The following HTR1F variants were observed in gnomAD, a reference collection of about 807,000 sequenced individuals.
HTR1F encodes the protein 5-hydroxytryptamine receptor 1F, also known as 5-hydroxytryptamine (serotonin) receptor 1F, G protein-coupled.
Under a neutral mutation model 24.0 loss-of-function variants are expected in HTR1F, and 17 were observed. That is an observed-to-expected ratio of 0.71 (90% confidence interval 0.48 to 1.06). The LOEUF is 1.06. HTR1F is among the 50% of genes least tolerant of loss of function. The pLI is 0.00. For synonymous variants in HTR1F, 186 were observed against 156.8 expected, an observed-to-expected ratio of 1.19 and a Z score of -1.39; for missense variants, 391 against 427.8, an observed-to-expected ratio of 0.91 and a Z score of 0.76.
chr3:87,892,142 T>C (rs1706099203), intron 2 of HTR1F, among the ~76,000 whole-genome samples: 1 of 152,210 alleles, frequency 6.6e-6, no homozygotes, highest in Non-Finnish European at 1.5e-5. Context: ...GTTCTTATTA[T>C]TGGGGATAAA....
intron 2 of HTR1F, among the ~76,000 whole-genome samples, chr3:87,875,846 C>A (rs1705659489): frequency 6.6e-6 from 1 of 150,806 alleles, no homozygotes; most frequent in Admixed American, 6.6e-5. Flanking sequence ...ATGGCTTGAA[C>A]CCAGGAGGTG....
At chr3:87,829,770 G>A (rs540675688) in intron 2 of HTR1F, among the ~76,000 whole-genome samples, 45 of 152,222 alleles carry the variant, frequency 3.0e-4, no homozygotes, top group African/African-American at 1.0e-3. Flanking sequence ...AAATAATGAT[G>A]TTACTTAATA....
intron 2 of HTR1F, among the ~76,000 whole-genome samples, chr3:87,903,364 G>A (rs541640213): frequency 1.5e-4 from 23 of 151,618 alleles, no homozygotes; most frequent in South Asian, 1.5e-3. Context: ...GAAAATTTTC[G>A]CAACCTACTC....
At chr3:87,812,177 A>G (rs1559591448) in intron 1 of HTR1F, among the ~76,000 whole-genome samples, 1 of 152,138 alleles carries the variant, frequency 6.6e-6, no homozygotes, top group Non-Finnish European at 1.5e-5. Context: ...AAGATACAGA[A>G]AATATGGAAG....
intron 2 of HTR1F, among the ~76,000 whole-genome samples, chr3:87,827,367 T>C (rs898105236): frequency 1.6e-4 from 24 of 152,274 alleles, no homozygotes; most frequent in African/African-American, 5.5e-4. Flanking sequence ...CAACTTAATT[T>C]TTTTTCCTTT....
At chr3:87,929,052 A>T (rs1160892422) in intron 2 of HTR1F, among the ~76,000 whole-genome samples, 3 of 152,214 alleles carry the variant, frequency 2.0e-5, no homozygotes, top group African/African-American at 7.2e-5. Context: ...CTGGAGGTAA[A>T]AAAGGATATA....
At chr3:87,921,058 G>A (rs1189677459) in intron 2 of HTR1F, among the ~76,000 whole-genome samples, 1 of 151,810 alleles carries the variant, frequency 6.6e-6, no homozygotes, top group East Asian at 1.9e-4. Context: ...ACATGAGTCA[G>A]TGTTTCATTA....
intron 2 of HTR1F, among the ~76,000 whole-genome samples, chr3:87,902,338 G>A (rs1029892763): frequency 2.8e-4 from 43 of 152,022 alleles, no homozygotes; most frequent in African/African-American, 8.2e-4. Flanking sequence ...TTCATGAATT[G>A]CTCCAGAAAA....
chr3:87,916,773 T>G (rs1182979569), intron 2 of HTR1F, among the ~76,000 whole-genome samples: 1 of 151,778 alleles, frequency 6.6e-6, no homozygotes, highest in Non-Finnish European at 1.5e-5. Flanking sequence ...CAATAATACT[T>G]CAATACTCCA....
At chr3:87,944,314 C>T (rs1223691962) in intron 2 of HTR1F, among the ~76,000 whole-genome samples, 2 of 152,124 alleles carry the variant, frequency 1.3e-5, no homozygotes, top group East Asian at 3.9e-4. Flanking sequence ...ATGTAGGTAA[C>T]CTTTTGAGTC....
chr3:87,875,447 C>G (rs1705649007), intron 2 of HTR1F, among the ~76,000 whole-genome samples: 1 of 149,692 alleles, frequency 6.7e-6, no homozygotes, highest in South Asian at 2.1e-4. Flanking sequence ...AAGACTCCAT[C>G]TCAAAAAAAG....
chr3:87,818,128 CTT>C (rs1415743544), intron 1 of HTR1F, among the ~76,000 whole-genome samples: 1 of 152,168 alleles, frequency 6.6e-6, no homozygotes, highest in Non-Finnish European at 1.5e-5. Flanking sequence ...AGCAAAGAGA[CTT>C]TGGCTAAGAT....
intron 2 of HTR1F, among the ~76,000 whole-genome samples, chr3:87,849,336 T>C (rs1055452954): frequency 2.0e-5 from 3 of 151,572 alleles, no homozygotes; most frequent in African/African-American, 7.3e-5. Context: ...TTGACAAACC[T>C]GAGAAAAACA....
intron 2 of HTR1F, among the ~76,000 whole-genome samples, chr3:87,946,109 T>C (rs1208255159): frequency 2.6e-5 from 4 of 152,188 alleles, no homozygotes; most frequent in Non-Finnish European, 5.9e-5. Flanking sequence ...CCCAGGCACT[T>C]AGCCATGCAG....
chr3:87,860,710 A>G (rs17025080), intron 2 of HTR1F, among the ~76,000 whole-genome samples: 3,599 of 152,284 alleles, frequency 0.024, 65 homozygotes, highest in Non-Finnish European at 0.031. Flanking sequence ...GTCATAGTTC[A>G]GCATTCATTT....
intron 2 of HTR1F, among the ~76,000 whole-genome samples, chr3:87,944,128 A>G (rs1445095851): frequency 1.3e-5 from 2 of 152,142 alleles, no homozygotes; most frequent in South Asian, 4.1e-4. Context: ...GACCACAAAG[A>G]AAGGGGTCTG....
chr3:87,861,681 A>T (rs1311751832), intron 2 of HTR1F, among the ~76,000 whole-genome samples: 1 of 152,160 alleles, frequency 6.6e-6, no homozygotes, highest in Non-Finnish European at 1.5e-5. Flanking sequence ...TAGAAAACAC[A>T]TAAATAGCTC....
chr3:87,924,890 T>A (rs1324768796), intron 2 of HTR1F, among the ~76,000 whole-genome samples: 1 of 152,174 alleles, frequency 6.6e-6, no homozygotes, highest in Non-Finnish European at 1.5e-5. Context: ...ATTAGCTTCT[T>A]GGATCTGGAT....
chr3:87,937,415 G>A (rs1436068654), intron 2 of HTR1F, among the ~76,000 whole-genome samples: 2 of 152,068 alleles, frequency 1.3e-5, no homozygotes, highest in Non-Finnish European at 2.9e-5. Context: ...GATAAAATTC[G>A]ACATTCCTCC....
Sources: gnomAD v4.1 joint callset for allele counts (sites outside exome capture counted in the v4.1 genomes callset) on GRCh38, gnomAD v4.1.1 for gene constraint, MANE v1.5 for transcripts, NCBI Gene and HGNC (gene_info 2026-07-23, HGNC 2026-07-21) for gene names.